Variants in HDAC9 observed in about 807,000 individuals in gnomAD.
HDAC9 encodes MEF-2 interacting transcription repressor (MITR) protein.
A neutral mutation model predicts 139.4 loss-of-function variants in HDAC9; 41 were observed. The ratio of observed to expected loss-of-function variants is 0.29; its 90% CI spans 0.23 to 0.38. The LOEUF (loss-of-function observed/expected upper bound fraction) is 0.38. Ranked by LOEUF, HDAC9 falls within the 10% of genes least tolerant of loss-of-function variation. The pLI is 1.00. For missense variants in HDAC9, 1,147 were observed against 1,297.0 expected (o/e 0.88, Z 1.78); for synonymous variants, 517 against 476.2 (o/e 1.09, Z -1.12).
At chr7:18,849,640 C>G (rs963716972) in intron 21 of HDAC9, among the ~76,000 whole-genome samples, 1 of 152,086 alleles carries the variant, frequency 6.6e-6, no homozygotes, top group African/African-American at 2.4e-5. Flanking sequence ...ATAGGTAAAT[C>G]AATTTGTCGA....
intron 8 of HDAC9, among the ~76,000 whole-genome samples, chr7:18,638,114 A>C (rs1784475421): frequency 6.6e-6 from 1 of 152,030 alleles, no homozygotes; most frequent in Non-Finnish European, 1.5e-5. Flanking sequence ...AAATTGGCTT[A>C]TTTTACTGTT....
chr7:18,108,990 C>A (rs1783424909), intron 1 of HDAC9, among the ~76,000 whole-genome samples: 1 of 152,072 alleles, frequency 6.6e-6, no homozygotes, highest in Non-Finnish European at 1.5e-5. Context: ...GTGAATTTGG[C>A]CTCTCTGCGA....
At chr7:18,778,346 T>A (rs1790956974) in intron 16 of HDAC9, among the ~76,000 whole-genome samples, 1 of 151,886 alleles carries the variant, frequency 6.6e-6, no homozygotes, top group South Asian at 2.1e-4. Context: ...ACTAGAACAC[T>A]GAAAAGTCTC....
At chr7:18,869,877 G>GT (rs1563006759) in intron 21 of HDAC9, among the ~76,000 whole-genome samples, 12 of 124,856 alleles carry the variant, frequency 9.6e-5, no homozygotes, top group African/African-American at 4.1e-4. Context: ...TTCTTTTTTG[G>GT]GTTTTTTTTG....
At chr7:18,585,942 T>G (rs1384078111) in intron 3 of HDAC9, among the ~76,000 whole-genome samples, 1 of 152,148 alleles carries the variant, frequency 6.6e-6, no homozygotes, top group African/African-American at 2.4e-5. Context: ...GAGAGCTGTT[T>G]TTAAAAAACA....
intron 22 of HDAC9, among the ~76,000 whole-genome samples, chr7:18,893,961 A>G (rs182698801): frequency 6.6e-6 from 1 of 152,318 alleles, no homozygotes; most frequent in African/African-American, 2.4e-5. Context: ...AAGGAAGAAG[A>G]AGGCAAGTAT....
At chr7:18,930,466 AAC>A (rs147873074) in intron 22 of HDAC9, among the ~76,000 whole-genome samples, 113 of 151,036 alleles carry the variant, frequency 7.5e-4, no homozygotes, top group Non-Finnish European at 1.3e-3. Context: ...CATACACACA[AAC>A]ACACACACAC....
At chr7:18,851,754 A>G (rs1039135127) in intron 21 of HDAC9, among the ~76,000 whole-genome samples, 10 of 152,224 alleles carry the variant, frequency 6.6e-5, no homozygotes, top group African/African-American at 2.4e-4. Context: ...ACTTTTTAAA[A>G]TTCCATTAAC....
chr7:18,593,466 T>C (rs1287168348), intron 5 of HDAC9, among the ~76,000 whole-genome samples: 2 of 152,144 alleles, frequency 1.3e-5, no homozygotes, highest in Admixed American at 1.3e-4. Flanking sequence ...TAAAAAAGGC[T>C]ACTCTCATGT....
chr7:18,309,172 T>C (rs1258928355), intron 1 of HDAC9, among the ~76,000 whole-genome samples: 1 of 152,142 alleles, frequency 6.6e-6, no homozygotes, highest in Non-Finnish European at 1.5e-5. Flanking sequence ...AATAAATCAT[T>C]TCAAGGACAA....
At chr7:18,277,038 GTTA>G (rs1426357462) in intron 2 of HDAC9, among the ~76,000 whole-genome samples, 1 of 151,730 alleles carries the variant, frequency 6.6e-6, no homozygotes, top group Non-Finnish European at 1.5e-5. Flanking sequence ...TTATTTTGAT[GTTA>G]TTTTTACCAG....
At chr7:18,189,785 A>G (rs1790200812) in intron 2 of HDAC9, among the ~76,000 whole-genome samples, 1 of 152,204 alleles carries the variant, frequency 6.6e-6, no homozygotes, top group South Asian at 2.1e-4. Context: ...AAGTGTCAAA[A>G]AACCCAAAGA....
chr7:18,540,198 G>T (rs1812350078), intron 2 of HDAC9, among the ~76,000 whole-genome samples: 1 of 147,152 alleles, frequency 6.8e-6, no homozygotes, highest in Non-Finnish European at 1.5e-5. Context: ...ACTTGAACCC[G>T]GGAAGCGGAG....
At position 18,929,712 on chromosome 7, in the gene HDAC9, T is replaced by C. The variant is rs59868523; in HGVS notation, c.2804-6097T>C. On this transcript the variant is annotated intron_variant, in intron 22 of 25. Coordinates refer to ENST00000686413, the MANE Select transcript of HDAC9 (RefSeq NM_178425.4). Reference sequence around the variant, plus strand: ...CAGCACTTTGGGAGGCAAAGGCTGGTGGATCACGAGGTCAAGAGATCGAGA... The same window carrying C: ...CAGCACTTTGGGAGGCAAAGGCTGGCGGATCACGAGGTCAAGAGATCGAGA... Among the ~76,000 whole-genome samples the C allele has an allele frequency of 0.019, 2,917 of 152,184 alleles. 140 individuals are homozygous for C. In the East Asian group the frequency reaches 0.2, roughly 10 times the overall value.
At chr7:18,526,526 T>G (rs1050469915) in intron 2 of HDAC9, among the ~76,000 whole-genome samples, 16 of 152,210 alleles carry the variant, frequency 1.1e-4, no homozygotes, top group African/African-American at 3.4e-4. Context: ...TGGGAACATC[T>G]AGTTCTTGTC....
intron 1 of HDAC9, among the ~76,000 whole-genome samples, chr7:18,388,992 A>T (rs1264588930): frequency 2.0e-5 from 3 of 152,230 alleles, no homozygotes; most frequent in African/African-American, 7.2e-5. Flanking sequence ...AAAAATCAAC[A>T]ATATATAAGA....
At chr7:18,596,086 A>C (rs1429891058) in intron 6 of HDAC9, among the ~76,000 whole-genome samples, 3 of 152,024 alleles carry the variant, frequency 2.0e-5, no homozygotes, top group Non-Finnish European at 2.9e-5. Context: ...GGTCTTTTCT[A>C]GAGGTATTTT....
chr7:18,759,429 T>G, intron 14 of HDAC9, among the ~76,000 whole-genome samples: 1 of 151,872 alleles, frequency 6.6e-6, no homozygotes, highest in Non-Finnish European at 1.5e-5. Flanking sequence ...GTGAGGGATC[T>G]AGGTTGAGCG....
At chr7:18,328,206 A>G (rs1800618475) in intron 1 of HDAC9, among the ~76,000 whole-genome samples, 1 of 151,972 alleles carries the variant, frequency 6.6e-6, no homozygotes, top group South Asian at 2.1e-4. Flanking sequence ...GGGTGATCAC[A>G]GGAGATGTCA....
Sources: allele counts gnomAD v4.1 joint callset (sites outside exome capture counted in the v4.1 genomes callset), GRCh38; gene constraint gnomAD v4.1.1; transcripts MANE v1.5; gene names NCBI Gene and HGNC (gene_info 2026-07-23, HGNC 2026-07-21).